The following DOK6 variants were observed in gnomAD, a reference collection of about 807,000 sequenced individuals.
DOK6 encodes the protein downstream of tyrosine kinase 6.
Under a neutral mutation model 44.0 loss-of-function variants are expected in DOK6, and 22 were observed. The observed-to-expected ratio is 0.50, with a 90% CI of 0.36 to 0.71. The LOEUF is 0.71. Ranked by LOEUF, DOK6 falls within the 30% of genes least tolerant of loss-of-function variation. The pLI is 0.00. For missense variants in DOK6, 340 were observed against 416.4 expected, an observed-to-expected ratio of 0.82 and a Z score of 1.60; for synonymous variants, 166 against 145.5, an observed-to-expected ratio of 1.14 and a Z score of -1.01.
At chr18:69,600,506 C>G (rs1367928424) in intron 3 of DOK6, among the ~76,000 whole-genome samples, 1 of 152,066 alleles carries the variant, frequency 6.6e-6, no homozygotes, top group Non-Finnish European at 1.5e-5. Context: ...TGCACAGAAG[C>G]CTGTTAAATG....
At chr18:69,547,452 G>A (rs1470036882) in intron 1 of DOK6, among the ~76,000 whole-genome samples, 7 of 151,240 alleles carry the variant, frequency 4.6e-5, no homozygotes, top group African/African-American at 1.7e-4. Flanking sequence ...ACTATCACAA[G>A]GCTAGCACCA....
At chr18:69,610,157 T>C (rs1240779961) in intron 3 of DOK6, among the ~76,000 whole-genome samples, 1 of 152,202 alleles carries the variant, frequency 6.6e-6, no homozygotes, top group Admixed American at 6.5e-5. Context: ...TCATGTTAAG[T>C]GTTCTTATAA....
At chr18:69,605,401 GTT>G (rs1568308987) in intron 3 of DOK6, among the ~76,000 whole-genome samples, 1 of 152,070 alleles carries the variant, frequency 6.6e-6, no homozygotes, top group Non-Finnish European at 1.5e-5. Flanking sequence ...ACCTGTACAA[GTT>G]TTCACCTAAG....
intron 3 of DOK6, among the ~76,000 whole-genome samples, chr18:69,656,028 ATCAAG>A (rs933622855): frequency 3.3e-5 from 5 of 152,154 alleles, no homozygotes; most frequent in African/African-American, 1.2e-4. Flanking sequence ...TGAGAGTTAC[ATCAAG>A]TCAACAAGTA....
chr18:69,623,234 A>G (rs1189762965), intron 3 of DOK6, among the ~76,000 whole-genome samples: 16 of 152,136 alleles, frequency 1.1e-4, no homozygotes, highest in Non-Finnish European at 1.9e-4. Context: ...CCAGAAGCAG[A>G]AGCTTGTGTA....
chr18:69,809,160 T>G (rs1350490890), intron 7 of DOK6, among the ~76,000 whole-genome samples: 1 of 151,624 alleles, frequency 6.6e-6, no homozygotes, highest in Non-Finnish European at 1.5e-5. Context: ...TCACAACATA[T>G]GCAAATGTAA....
chr18:69,785,806 T>C (rs1980412274), intron 7 of DOK6, among the ~76,000 whole-genome samples: 1 of 152,186 alleles, frequency 6.6e-6, no homozygotes, highest in African/African-American at 2.4e-5. Context: ...TGCTATAAGT[T>C]ACCATAATAC....
intron 7 of DOK6, among the ~76,000 whole-genome samples, chr18:69,813,546 C>T (rs538321923): frequency 6.6e-6 from 1 of 152,152 alleles, no homozygotes; most frequent in South Asian, 2.1e-4. Context: ...AAAGGAAACC[C>T]TCTAACCTTG....
intron 3 of DOK6, among the ~76,000 whole-genome samples, chr18:69,656,374 T>C (rs1221945579): frequency 2.0e-5 from 3 of 152,208 alleles, no homozygotes; most frequent in Non-Finnish European, 4.4e-5. Context: ...AGGAGGAAGA[T>C]GCAAATCACA....
intron 7 of DOK6, among the ~76,000 whole-genome samples, chr18:69,822,179 G>A (rs532375928): frequency 6.6e-6 from 1 of 152,130 alleles, no homozygotes; most frequent in African/African-American, 2.4e-5. Context: ...TGAATAATGG[G>A]TAAATGTCAG....
intron 6 of DOK6, among the ~76,000 whole-genome samples, chr18:69,747,600 C>G (rs1053111715): frequency 6.7e-6 from 1 of 150,280 alleles, no homozygotes; most frequent in Non-Finnish European, 1.5e-5. Context: ...TCCGCCCCCT[C>G]CCCCCCACAG....
intron 3 of DOK6, among the ~76,000 whole-genome samples, chr18:69,601,880 T>C (rs1463245792): frequency 6.6e-6 from 1 of 152,090 alleles, no homozygotes; most frequent in Non-Finnish European, 1.5e-5. Context: ...AATGCTTCTG[T>C]ATGTCAGAGG....
chr18:69,655,298 T>A (rs1296858160), intron 3 of DOK6, among the ~76,000 whole-genome samples: 1 of 151,996 alleles, frequency 6.6e-6, no homozygotes, highest in Non-Finnish European at 1.5e-5. Context: ...ATAGACATTA[T>A]ATTGGAAGGG....
intron 1 of DOK6, among the ~76,000 whole-genome samples, chr18:69,508,203 A>G (rs1433755993): frequency 6.6e-6 from 1 of 152,190 alleles, no homozygotes; most frequent in Non-Finnish European, 1.5e-5. Flanking sequence ...TTACTGGAAG[A>G]AATTCCACTT....
Position 69,729,697 on chromosome 18 carries a change from G to A in DOK6, c.600-9268G>A, listed in dbSNP as rs143183270. Among the ~76,000 whole-genome samples, 273 of 152,144 alleles carry A rather than the reference G, an allele frequency of 1.8e-3. 1 individual carries two copies. Among genetic ancestry groups the A allele is most frequent in the African/African-American group, 6.3e-3 (261 of 41,502 alleles). ...TGTCACCGAAGTGAAAAATACACCC[G>A]CCAAGGGAAATTCCCACACACAATC... On this transcript the variant is annotated intron_variant, in intron 5 of 7. Transcript: ENST00000382713.
chr18:69,681,378 T>C (rs1273494955), intron 4 of DOK6, among the ~76,000 whole-genome samples: 1 of 152,230 alleles, frequency 6.6e-6, no homozygotes, highest in Non-Finnish European at 1.5e-5. Context: ...ATACAAATAA[T>C]TTTTAAAGGT....
intron 1 of DOK6, among the ~76,000 whole-genome samples, chr18:69,475,563 C>A (rs1265319144): frequency 4.6e-5 from 7 of 152,182 alleles, no homozygotes; most frequent in Non-Finnish European, 1.0e-4. Flanking sequence ...CTATGTGAAT[C>A]CTCATTTAGA....
At chr18:69,684,316 T>A (rs1267062543) in intron 4 of DOK6, among the ~76,000 whole-genome samples, 1 of 152,216 alleles carries the variant, frequency 6.6e-6, no homozygotes, top group East Asian at 1.9e-4. Flanking sequence ...TTGTAGTGCT[T>A]CTCTTCTCAC....
chr18:69,635,224 T>C (rs920112933), intron 3 of DOK6, among the ~76,000 whole-genome samples: 6 of 152,148 alleles, frequency 3.9e-5, no homozygotes, highest in African/African-American at 7.2e-5. Context: ...TAACGAGCCA[T>C]AGTATAAACC....
Sources: gnomAD v4.1 joint callset for allele counts (sites outside exome capture counted in the v4.1 genomes callset) on GRCh38, gnomAD v4.1.1 for gene constraint, MANE v1.5 for transcripts, NCBI Gene and HGNC (gene_info 2026-07-23, HGNC 2026-07-21) for gene names.